PLCD4: variants seen among roughly 807,000 people sequenced by gnomAD.
PLCD4 encodes 1-phosphatidylinositol 4,5-bisphosphate phosphodiesterase delta-4.
PLCD4 carries 63 observed loss-of-function variants against 90.2 expected under a neutral mutation model. The ratio of observed to expected loss-of-function variants is 0.70; its 90% CI spans 0.57 to 0.86. The LOEUF is 0.86. Among genes scored for constraint, PLCD4 ranks in the 40% least tolerant of loss-of-function variants. PLCD4 has a pLI of 0.00. For missense variants in PLCD4, 830 were observed against 956.3 expected (o/e 0.87, Z 1.74); for synonymous variants, 294 against 356.5 (o/e 0.82, Z 1.97).
chr2:218,622,707 G>A lies in PLCD4; in HGVS notation c.601G>A (p.Ala201Thr). The change falls in exon 6 of 16, where the codon GCA (alanine) becomes ACA (threonine). Residue 201 changes from alanine (A) to threonine (T), a missense_variant. Coordinates refer to ENST00000450993, the MANE Select transcript of PLCD4 (RefSeq NM_032726.4). ...EGEEFVQFYK[A>T]LTKRAEVQEL... is the part of the protein sequence containing the mutation. ...AGAAGAATTCGTACAGTTCTATAAG[G>A]CATTGACTAAACGTGCTGAGGTGCA... is the stretch of plus-strand genomic sequence containing the variant. 1 of 1,613,982 alleles carries A rather than the reference G, an allele frequency of 6.2e-7. No individual in the cohort carries two copies. The highest frequency in any genetic ancestry group is 2.2e-5 in the East Asian group (1 of 44,878).
rs766008647 is a variant in PLCD4, at chr2:218,615,950, G to T, written c.69G>T (p.Pro23=). The T allele has an allele frequency of 1.2e-6, 2 of 1,614,038 alleles. No homozygotes were observed. The highest frequency in any genetic ancestry group is 3.3e-5 in the Admixed American group (2 of 60,034). ...TGCTGCTGATGCAGGAAGGCATGCC[G>T]ATGCGCAAGGTGAGGTCCAAAAGCT... ...QDLLLMQEGM[P]MRKVRSKSWK... is the part of the protein sequence containing the mutation. The change falls in exon 3 of 16, where the codon CCG becomes CCT. Residue 23 remains proline, a synonymous_variant. Transcript: ENST00000450993.
chr2:218,633,841 G>A (rs1223864203), intron 11 of PLCD4, 80 bp downstream of exon 11: 3 of 1,515,524 alleles, frequency 2.0e-6, no homozygotes, highest in Admixed American at 1.8e-5. Context: ...TAAGTCCCAA[G>A]AAAAAAGACA....
At chr2:218,609,294 A>G (rs1474330720) in intron 1 of PLCD4, 1 of 152,110 alleles carries the variant, frequency 6.6e-6, no homozygotes, top group Non-Finnish European at 1.5e-5. Context: ...CCTCAGAGAG[A>G]CCTGAGACAC....
chr2:218,618,671 A>G lies in PLCD4; in HGVS notation c.274A>G (p.Thr92Ala), dbSNP rs1425998496. The G allele has an allele frequency of 6.2e-7, 1 of 1,613,848 alleles. No homozygotes were observed. The highest frequency in any genetic ancestry group is 1.7e-5 in the Admixed American group (1 of 60,004). Residue 92 changes from threonine to alanine, a missense_variant, in exon 4 of 16, where the codon ACC becomes GCC. Thr to Ala is a moderately conservative substitution (Grantham distance 58). Transcript: ENST00000450993. ...GGAGCTCCCCCTGGAGCAGGGCTTCACCATTGTCTTCCATGGCCGCCGCTC... is the reference window on the plus strand; with the variant it reads ...GGAGCTCCCCCTGGAGCAGGGCTTCGCCATTGTCTTCCATGGCCGCCGCTC... ...AEELPLEQGF[T>A]IVFHGRRSNL... is the part of the protein sequence containing the mutation.
Position 218,636,733 on chromosome 2 carries a change from T to A in PLCD4, c.*156T>A. ...ACCTCATTCTTCCTAACAAGCAATC[T>A]GGGACCTGATTTTCCACCTTTTTTC... On this transcript the variant is annotated 3_prime_UTR_variant, in exon 16 of 16. Transcript: ENST00000450993. 1 of 787,644 alleles carries A rather than the reference T, an allele frequency of 1.3e-6. No individual in the cohort carries two copies. The highest frequency in any genetic ancestry group is 2.1e-6 in the Non-Finnish European group (1 of 481,340). The allele number at this position is 787,644 out of a possible 1,614,324, so 48.8% of individuals were successfully genotyped here. A position where few individuals can be genotyped will look rare whatever the true frequency, so the allele number is the denominator to read the frequency against.
At chr2:218,632,894 G>A (rs1696463536) in intron 10 of PLCD4, among the ~76,000 whole-genome samples, 1 of 152,128 alleles carries the variant, frequency 6.6e-6, no homozygotes, top group Admixed American at 6.6e-5. Context: ...GTGCTAGAGT[G>A]GTCCATCTCC....
At chr2:218,635,623 G>A (rs112408888) in intron 13 of PLCD4, among the ~76,000 whole-genome samples, 173 bp from the exon 14 acceptor site, 414 of 152,274 alleles carry the variant, frequency 2.7e-3, no homozygotes, top group Non-Finnish European at 4.4e-3. Context: ...GTGAGCCACC[G>A]TGCCCGGCCT....
chr2:218,621,318 G>C, intron 4 of PLCD4, 152 bp from the exon 5 acceptor site: 9 of 881,846 alleles, frequency 1.0e-5, no homozygotes, highest in Non-Finnish European at 1.6e-5. Flanking sequence ...GTGCTCTAGA[G>C]AGATTATTCT....
At chr2:218,616,951 GA>G (rs1695631402) in intron 3 of PLCD4, among the ~76,000 whole-genome samples, 1 of 69,148 alleles carries the variant, frequency 1.4e-5, no homozygotes, top group Non-Finnish European at 3.0e-5. Flanking sequence ...GAGAGAGAGA[GA>G]GAGAGAGAGA....
intron 6 of PLCD4, among the ~76,000 whole-genome samples, chr2:218,624,165 AATGAGG>A (rs1696003584): frequency 6.6e-6 from 1 of 152,198 alleles, no homozygotes; most frequent in Admixed American, 6.5e-5. Flanking sequence ...CTCTCTTGAG[AATGAGG>A]ATAAGAGATG....
At chr2:218,631,927 A>G (rs1226180975) in intron 9 of PLCD4, among the ~76,000 whole-genome samples, 2 of 152,180 alleles carry the variant, frequency 1.3e-5, no homozygotes, top group Non-Finnish European at 2.9e-5. Flanking sequence ...GAGACCATAT[A>G]TATTATTTTC....
At position 218,630,630 on chromosome 2, in the gene PLCD4, T is replaced by C. The variant is rs757140675; in HGVS notation, c.1120-20T>C. ...GTGTTTTAGAACTCTGAATCCATTG[T>C]TCCCTCCCCTCACCACCAGACATCA... On this transcript the variant is annotated intron_variant, in intron 8 of 15. Transcript: ENST00000450993. 1.9e-6 allele frequency: 3 copies of C among 1,613,886 alleles called. No individual in the cohort carries two copies. The highest frequency in any genetic ancestry group is 2.5e-6 in the Non-Finnish European group (3 of 1,179,796).
In PLCD4 at chr2:218,634,702, C is replaced by G. The variant is rs1696610202; in HGVS notation, c.1896+72C>G. 6.5e-7 allele frequency: 1 copy of G among 1,528,678 alleles called. No homozygotes were observed. Among genetic ancestry groups the G allele is most frequent in the African/African-American group, 1.4e-5 (1 of 72,340 alleles). The allele number at this position is 1,528,678 out of a possible 1,614,324, so 94.7% of individuals were successfully genotyped here. On this transcript the variant is annotated intron_variant, in intron 13 of 15. Transcript: ENST00000450993. This position sits in a 1 kb window ranked among gnomAD's most constrained non-coding sequence, Gnocchi z 4.0. The stretch of plus-strand genomic sequence containing the variant: ...AGAAGTGAGGGAAGAGGTGGCTAGG[C>G]CTGACCGGAATGTAGAGGCCGGATA...
intron 3 of PLCD4, 126 bp downstream of exon 3, chr2:218,616,188 GC>G (rs1695572046): frequency 1.9e-6 from 2 of 1,074,610 alleles, no homozygotes; most frequent in Non-Finnish European, 1.3e-6. Flanking sequence ...CTATATCTGA[GC>G]CTGTAAAAGG....
At chr2:218,617,924 A>C (rs1695692361) in intron 3 of PLCD4, among the ~76,000 whole-genome samples, 1 of 151,756 alleles carries the variant, frequency 6.6e-6, no homozygotes, top group South Asian at 2.1e-4. Context: ...TCCCTACTAA[A>C]AAAATACAGA....
chr2:218,636,073 C>T, intron 14 of PLCD4, 142 bp downstream of exon 14: 1 of 1,447,590 alleles, frequency 6.9e-7, no homozygotes, highest in Non-Finnish European at 9.4e-7. Flanking sequence ...AATCCTGGCT[C>T]TTCACTTAAA....
At position 218,636,568 on chromosome 2, in the gene PLCD4, T is replaced by G. The variant is rs1696769334; in HGVS notation, c.2280T>G (p.Asp760Glu). ...GCATCCAGGAAGGCCTGGAGGGGGA[T>G]GAGTCCTGAGGTGGGCATTTCACGG... ...YICIQEGLEG[D>E]ES The change falls in exon 16 of 16, where the codon GAT becomes GAG. Residue 760 changes from aspartate to glutamate, a missense_variant. Asp to Glu is a conservative substitution (Grantham distance 45). Transcript: ENST00000450993. The G allele has an allele frequency of 1.9e-6, 3 of 1,613,962 alleles. No individual in the cohort carries two copies. Among genetic ancestry groups the G allele is most frequent in the Non-Finnish European group, 2.5e-6 (3 of 1,179,858 alleles).
At chr2:218,619,700 CA>C (rs1695786537) in intron 4 of PLCD4, among the ~76,000 whole-genome samples, 1 of 151,916 alleles carries the variant, frequency 6.6e-6, no homozygotes, top group African/African-American at 2.4e-5. Flanking sequence ...TTTGGGAGGC[CA>C]AGGCAGGGAG....
intron 4 of PLCD4, among the ~76,000 whole-genome samples, chr2:218,619,266 C>CATATAT (rs3074252): frequency 3.4e-5 from 5 of 146,810 alleles, no homozygotes; most frequent in African/African-American, 1.3e-4. Context: ...TATAGGGGTA[C>CATATAT]ATATATATAT....
Sources: gnomAD v4.1 joint callset for allele counts (sites outside exome capture counted in the v4.1 genomes callset) on GRCh38, gnomAD v4.1.1 for gene constraint, Gnocchi (gnomAD v3.1) non-coding constraint, MANE v1.5 for transcripts, NCBI Gene and HGNC (gene_info 2026-07-23, HGNC 2026-07-21) for gene names.